COL5A1: variants seen among roughly 807,000 people sequenced by gnomAD.
COL5A1 encodes collagen type V alpha 1 chain.
A neutral mutation model predicts 263.7 loss-of-function variants in COL5A1; 16 were observed. The observed-to-expected ratio is 0.06, with a 90% CI of 0.04 to 0.09. The LOEUF (loss-of-function observed/expected upper bound fraction) is 0.09, where lower values mean the gene tolerates loss of function less well. Among genes scored for constraint, COL5A1 ranks in the 10% least tolerant of loss-of-function variants. The probability of loss-of-function intolerance (pLI) is 1.00; values close to 1 mark genes in which losing one functional copy is unlikely to be tolerated. For missense variants in COL5A1, 2,036 were observed against 2,540.5 expected, an observed-to-expected ratio of 0.80 and a Z score of 4.27; for synonymous variants, 1,012 against 1,004.5, an observed-to-expected ratio of 1.01 and a Z score of -0.14.
chr9:134,842,093 A>G lies in COL5A1; in HGVS notation c.5371-64A>G. 2 of 1,589,422 alleles carry G rather than the reference A, an allele frequency of 1.3e-6. No homozygotes were observed. The highest frequency in any genetic ancestry group is 1.7e-6 in the Non-Finnish European group (2 of 1,158,250). ...GGAGCCAGACAGATTGTGGGGGGTG[A>G]TTGGTAAACCCCAAGACCCCCAACT... On this transcript the variant is annotated intron_variant, in intron 65 of 65. Transcript: ENST00000371817. This position sits in a 1 kb window ranked among gnomAD's most constrained non-coding sequence, Gnocchi z 5.8.
At position 134,796,245 on chromosome 9, in the gene COL5A1, T is replaced by G. The variant is rs1837903599; in HGVS notation, c.2800-129T>G. On this transcript the variant is annotated intron_variant, in intron 34 of 65. Transcript: ENST00000371817. Reference sequence around the variant, plus strand: ...AATGCCTTCTGCCCCTTACTGAGGGTCAGGGCCACCTTCAGGGGTGCACAC... The same window carrying G: ...AATGCCTTCTGCCCCTTACTGAGGGGCAGGGCCACCTTCAGGGGTGCACAC... 5.9e-6 allele frequency: 6 copies of G among 1,015,634 alleles called. No homozygotes were observed. In the East Asian group the frequency reaches 1.4e-4, roughly 24 times the overall value. 62.9% of individuals were successfully genotyped at this position (1,015,634 alleles called of 1,614,324 possible).
chr9:134,782,569 G>T, intron 28 of COL5A1, 98 bp from the exon 29 acceptor site: 2 of 1,143,486 alleles, frequency 1.7e-6, no homozygotes, highest in Non-Finnish European at 2.7e-6. Flanking sequence ...AAGCGTGGGG[G>T]ACCTGGTGCT....
rs769947722 is a variant in COL5A1, at chr9:134,835,100, G to A, written c.5266G>A (p.Ala1756Thr). Residue 1756 changes from alanine (A) to threonine (T), a missense_variant, in exon 65 of 66, where the codon GCC (alanine) becomes ACC (threonine). Around this residue, in one of 3 missense-constraint regions of COL5A1, gnomAD observed 358 missense variants for 384.6 expected, o/e 0.93. Transcript: ENST00000371817. ...CYQSVAWQDAATGSYDKALRF... is the reference protein window; with the variant it reads ...CYQSVAWQDATTGSYDKALRF... ...CCAGTCAGTGGCCTGGCAGGACGCA[G>A]CCACGGGCAGCTACGACAAGGCCCT... 11 of 1,613,738 alleles carry A rather than the reference G, an allele frequency of 6.8e-6. No homozygotes were observed. In the Admixed American group the frequency reaches 1.3e-4, roughly 20 times the overall value.
chr9:134,685,417 TC>T (rs1833013617), intron 1 of COL5A1, among the ~76,000 whole-genome samples: 1 of 4,574 alleles, frequency 2.2e-4, no homozygotes, highest in Non-Finnish European at 4.0e-4. Flanking sequence ...CATTAATTCA[TC>T]CATCCATCCA....
chr9:134,787,011 A>T (rs905821106), intron 31 of COL5A1, among the ~76,000 whole-genome samples: 6 of 152,214 alleles, frequency 3.9e-5, no homozygotes, highest in Admixed American at 3.9e-4. Context: ...TGCACACCCC[A>T]TATGCAGGAG....
intron 4 of COL5A1, chr9:134,708,425 G>T (rs544969449): frequency 7.3e-6 from 3 of 408,834 alleles, no homozygotes; most frequent in Admixed American, 2.8e-5. Context: ...CTCCCGGGGT[G>T]GGGGCTCTGG....
intron 36 of COL5A1, 152 bp downstream of exon 36, chr9:134,797,053 G>T (rs547240179): frequency 1.2e-6 from 1 of 867,284 alleles, no homozygotes; most frequent in South Asian, 1.4e-5. Flanking sequence ...AATTCTGGCT[G>T]GTCAGATGAG....
At chr9:134,740,264 C>T (rs998186312) in intron 11 of COL5A1, among the ~76,000 whole-genome samples, 5 of 152,204 alleles carry the variant, frequency 3.3e-5, no homozygotes, top group African/African-American at 7.2e-5. Context: ...AGCGAGTGGC[C>T]GCTGCTCTTA....
At chr9:134,692,058 C>T (rs1833304016) in intron 2 of COL5A1, among the ~76,000 whole-genome samples, 1 of 152,230 alleles carries the variant, frequency 6.6e-6, no homozygotes, top group African/African-American at 2.4e-5. Context: ...CAGCCATTGC[C>T]CAGCCCTCCT....
At chr9:134,653,249 G>A (rs980414692) in intron 1 of COL5A1, 1 of 153,400 alleles carries the variant, frequency 6.5e-6, no homozygotes, top group East Asian at 1.9e-4. Context: ...GGAGACCCTG[G>A]GGGTGGGGGT....
intron 16 of COL5A1, among the ~76,000 whole-genome samples, 164 bp from the exon 17 acceptor site, chr9:134,756,601 C>T (rs1015104674): frequency 3.3e-5 from 5 of 152,192 alleles, no homozygotes; most frequent in African/African-American, 7.2e-5. Context: ...CGCCCGGGCT[C>T]CTGGATCTGG....
At chr9:134,802,118 C>T in intron 38 of COL5A1, 111 bp downstream of exon 38, 4 of 1,087,206 alleles carry the variant, frequency 3.7e-6, no homozygotes, top group Non-Finnish European at 4.2e-6. Context: ...GGTGCAGGTA[C>T]TGCTGAGAGG....
intron 31 of COL5A1, among the ~76,000 whole-genome samples, 173 bp downstream of exon 31, chr9:134,786,221 G>T (rs1291436319): frequency 6.6e-6 from 1 of 151,854 alleles, no homozygotes; most frequent in African/African-American, 2.4e-5. Context: ...GTACCGCCAG[G>T]CCTCCTCACC....
At chr9:134,796,738 TG>T in intron 35 of COL5A1, 109 bp from the exon 36 acceptor site, 1 of 1,012,560 alleles carries the variant, frequency 9.9e-7, no homozygotes, top group Non-Finnish European at 1.6e-6. Flanking sequence ...GCCATGGGGG[TG>T]GGAAGAAATG....
In COL5A1 at chr9:134,784,897, C is replaced by T. The variant is rs1837396330; in HGVS notation, c.2485-92C>T. ...AGCTCTGACCACAGGGTGCCTGTGA[C>T]CTGTCCCCTTGCTCCTTGCTCTCAG... On this transcript the variant is annotated intron_variant, in intron 29 of 65. Transcript: ENST00000371817. 2.8e-6 allele frequency: 3 copies of T among 1,078,018 alleles called. No individual in the cohort carries two copies. The South Asian group carries it at 3.8e-5, about 14-fold the overall frequency. The allele number at this position is 1,078,018 out of a possible 1,614,324, so 66.8% of individuals were successfully genotyped here.
rs1836993865 is a variant in COL5A1, at chr9:134,774,807, A to G, written c.2332-52A>G. On this transcript the variant is annotated intron_variant, in intron 26 of 65. Coordinates refer to ENST00000371817, the MANE Select transcript of COL5A1 (RefSeq NM_000093.5). ...ACTCTGGAGTTTCCTGATGTTCCCCAGGCACCTCCACACTGGCATGGGGCT... is the reference window on the plus strand; with the variant it reads ...ACTCTGGAGTTTCCTGATGTTCCCCGGGCACCTCCACACTGGCATGGGGCT... The G allele has an allele frequency of 2.5e-5, 39 of 1,577,966 alleles. No homozygotes were observed. The South Asian group carries it at 3.9e-4, about 16-fold the overall frequency.
chr9:134,808,467 G>A (rs72502716), intron 42 of COL5A1, among the ~76,000 whole-genome samples: 7,287 of 152,258 alleles, frequency 0.048, 199 homozygotes, highest in South Asian at 0.094. Context: ...AGCATGTCCT[G>A]TGTGTGTACC....
Position 134,842,184 on chromosome 9 carries a change from C to A in COL5A1, c.5398C>A (p.Leu1800Met). 7.4e-6 allele frequency: 12 copies of A among 1,614,032 alleles called. No individual in the cohort carries two copies. Among genetic ancestry groups the A allele is most frequent in the Non-Finnish European group, 9.3e-6 (11 of 1,180,006 alleles). Residue 1800 changes from leucine (L) to methionine (M), a missense_variant, in exon 66 of 66, where the codon CTG (leucine) becomes ATG (methionine). Around this residue, in one of 3 missense-constraint regions of COL5A1, gnomAD observed 358 missense variants for 384.6 expected, o/e 0.93. Coordinates refer to ENST00000371817, the MANE Select transcript of COL5A1 (RefSeq NM_000093.5). This position sits in a 1 kb window ranked among gnomAD's most constrained non-coding sequence, Gnocchi z 5.8. ...CAAGAAAGGCTACCAGAAGACGGTT[C>A]TGGAGATCGACACCCCCAAAGTGGA... ...ATKKGYQKTV[L>M]EIDTPKVEQV...
At position 134,728,585 on chromosome 9, in the gene COL5A1, A is replaced by G. The variant is rs919134885; in HGVS notation, c.787-85A>G. 2.5e-6 allele frequency: 4 copies of G among 1,593,008 alleles called. No homozygotes were observed. In the South Asian group the frequency reaches 4.4e-5, roughly 18 times the overall value. On this transcript the variant is annotated intron_variant, in intron 5 of 65. Coordinates refer to ENST00000371817, the MANE Select transcript of COL5A1 (RefSeq NM_000093.5). ...CTGGACGGGGCGTCGTGGCGTGCAG[A>G]TCTGGAGGTTGCGGAAGGAAGGACA... is the stretch of plus-strand genomic sequence containing the variant.
Sources: allele counts gnomAD v4.1 joint callset (sites outside exome capture counted in the v4.1 genomes callset), GRCh38; gene constraint gnomAD v4.1.1; regional missense constraint gnomAD v4.1.1; non-coding constraint Gnocchi (gnomAD v3.1); transcripts MANE v1.5; gene names NCBI Gene and HGNC (gene_info 2026-07-23, HGNC 2026-07-21).